SPIN1: variants seen among roughly 807,000 people sequenced by gnomAD.
The protein encoded by SPIN1 is spindlin-1.
Under a neutral mutation model 26.0 loss-of-function variants are expected in SPIN1, and 3 were observed. The ratio of observed to expected loss-of-function variants is 0.12; its 90% CI spans 0.05 to 0.30. The LOEUF (loss-of-function observed/expected upper bound fraction) is 0.30. Among genes scored for constraint, SPIN1 ranks in the 10% least tolerant of loss-of-function variants. The pLI, the probability that SPIN1 is intolerant of heterozygous loss-of-function variation, is 1.00. For missense variants in SPIN1, 126 were observed against 333.4 expected, an observed-to-expected ratio of 0.38 and a Z score of 4.84; for synonymous variants, 101 against 116.5, an observed-to-expected ratio of 0.87 and a Z score of 0.86.
chr9:88,414,077 T>C (rs916691069), intron 1 of SPIN1, among the ~76,000 whole-genome samples: 3 of 151,606 alleles, frequency 2.0e-5, no homozygotes, highest in African/African-American at 4.9e-5. Context: ...AAGTGACATA[T>C]AGGGCAGTGT....
chr9:88,423,066 G>T (rs1378679733), intron 1 of SPIN1, among the ~76,000 whole-genome samples: 16 of 152,138 alleles, frequency 1.1e-4, no homozygotes, highest in Admixed American at 1.0e-3. Flanking sequence ...TAGCCACCAT[G>T]TATCCTTCCC....
At chr9:88,409,839 A>T (rs1268233003) in intron 1 of SPIN1, among the ~76,000 whole-genome samples, 1 of 147,522 alleles carries the variant, frequency 6.8e-6, no homozygotes, top group East Asian at 2.0e-4. Context: ...CTCCGTCTCA[A>T]AAAAAAAAAA....
In SPIN1 at chr9:88,448,936, T is replaced by C. The variant is rs539187451; in HGVS notation, c.53-5T>C. On this transcript the variant is annotated splice_region_variant and splice_polypyrimidine_tract_variant and intron_variant, in intron 2 of 5. Coordinates refer to ENST00000375859, the MANE Select transcript of SPIN1 (RefSeq NM_006717.3). ...TCATTGACTATATACTCATCTCTCT[T>C]ACAGGCCATGCTGGAGTATCTGCCA... 1.2e-6 allele frequency: 2 copies of C among 1,613,270 alleles called. No homozygotes were observed. Among genetic ancestry groups the C allele is most frequent in the East Asian group, 2.2e-5 (1 of 44,852 alleles).
chr9:88,441,097 T>A (rs537056252), intron 2 of SPIN1, among the ~76,000 whole-genome samples: 1 of 151,998 alleles, frequency 6.6e-6, no homozygotes, highest in South Asian at 2.1e-4. Flanking sequence ...CAGAAAAACA[T>A]CATTGTGCCT....
intron 2 of SPIN1, among the ~76,000 whole-genome samples, chr9:88,438,509 G>A (rs763498100): frequency 1.2e-4 from 18 of 152,134 alleles, no homozygotes; most frequent in Admixed American, 2.0e-4. Context: ...CTTGAGAAAA[G>A]TTTGTATTCT....
intron 2 of SPIN1, among the ~76,000 whole-genome samples, chr9:88,442,130 T>G (rs1780320200): frequency 6.6e-6 from 1 of 151,570 alleles, no homozygotes; most frequent in Non-Finnish European, 1.5e-5. Flanking sequence ...TTTTCCTTCT[T>G]TCTAAAGATT....
Position 88,407,299 on chromosome 9 carries a change from C to T in SPIN1, c.-159+18761C>T, listed in dbSNP as rs147407394. On this transcript the variant is annotated intron_variant, in intron 1 of 5. Transcript: ENST00000375859. ...CTACATACAGGTGTGCGCCACCATG[C>T]TTGGCTAATTTTTTTTGTTATTTTC... 3.3e-4 allele frequency among the ~76,000 whole-genome samples: 50 copies of T among 152,074 alleles called. No individual in the cohort carries two copies. In the East Asian group the frequency reaches 8.0e-3, roughly 24 times the overall value.
chr9:88,403,927 T>C lies in SPIN1; in HGVS notation c.-159+15389T>C, dbSNP rs1357339368. On this transcript the variant is annotated intron_variant, in intron 1 of 5. Coordinates refer to ENST00000375859, the MANE Select transcript of SPIN1 (RefSeq NM_006717.3). ...AATGATGAGAATATGTTCTGAGAAC[T>C]GCGTTGTTAGGTGAGCATTATAGAG... 4.6e-5 allele frequency among the ~76,000 whole-genome samples: 7 copies of C among 152,196 alleles called. No individual in the cohort carries two copies. The South Asian group carries it at 1.2e-3, about 27-fold the overall frequency.
rs886782771 is a variant in SPIN1, at chr9:88,437,054, C to T, written c.52+10463C>T. On this transcript the variant is annotated intron_variant, in intron 2 of 5. Coordinates refer to ENST00000375859, the MANE Select transcript of SPIN1 (RefSeq NM_006717.3). ...TGCTGGGATTACAGGCGTGAGCCACCGCGCCCGGCCTCCTCTGTGTCTTTT... is the reference window on the plus strand; with the variant it reads ...TGCTGGGATTACAGGCGTGAGCCACTGCGCCCGGCCTCCTCTGTGTCTTTT... Among the ~76,000 whole-genome samples the T allele has an allele frequency of 7.9e-5, 12 of 151,892 alleles. No homozygotes were observed. In the East Asian group the frequency reaches 1.6e-3, roughly 20 times the overall value.
In SPIN1 at chr9:88,468,320, G is replaced by A. The variant is rs935809974; in HGVS notation, c.356-52G>A. 4.5e-6 allele frequency: 6 copies of A among 1,328,494 alleles called. No individual in the cohort carries two copies. The African/African-American group carries it at 6.0e-5, about 13-fold the overall frequency. 82.3% of individuals were successfully genotyped at this position (1,328,494 alleles called of 1,614,324 possible). A position where few individuals can be genotyped will look rare whatever the true frequency, so the allele number is the denominator to read the frequency against. ...TTTAGTAAATTCAGTCTTCATAGTCGGTAATCAGCGAAACACTTTGTCAAC... is the reference window on the plus strand; with the variant it reads ...TTTAGTAAATTCAGTCTTCATAGTCAGTAATCAGCGAAACACTTTGTCAAC... On this transcript the variant is annotated intron_variant, in intron 4 of 5. Transcript: ENST00000375859.
At position 88,475,363 on chromosome 9, in the gene SPIN1, G is replaced by T; in HGVS notation, c.*86G>T. ...AGACTTGATTGCTTTCCAGTTTAAT[G>T]AAAGCTTAAATGTCCCTGCGAACCC... On this transcript the variant is annotated 3_prime_UTR_variant, in exon 6 of 6. Transcript: ENST00000375859. The T allele has an allele frequency of 7.1e-7, 1 of 1,414,748 alleles. No individual in the cohort carries two copies. 87.6% of individuals were successfully genotyped at this position (1,414,748 alleles called of 1,614,324 possible).
chr9:88,446,645 T>A (rs1158154463), intron 2 of SPIN1, among the ~76,000 whole-genome samples: 1 of 152,114 alleles, frequency 6.6e-6, no homozygotes, highest in Non-Finnish European at 1.5e-5. Flanking sequence ...TGACCTCATG[T>A]GATCCACCCT....
intron 1 of SPIN1, among the ~76,000 whole-genome samples, chr9:88,393,169 A>G (rs2097442285): frequency 6.7e-6 from 1 of 148,988 alleles, no homozygotes; most frequent in African/African-American, 2.5e-5. Context: ...GGGGAGGAGG[A>G]AGAATTTACT....
At chr9:88,412,376 G>A (rs558597413) in intron 1 of SPIN1, among the ~76,000 whole-genome samples, 2 of 152,086 alleles carry the variant, frequency 1.3e-5, no homozygotes, top group Admixed American at 1.3e-4. Flanking sequence ...CTTTAATTTT[G>A]TAGCTGTTGG....
At chr9:88,388,868 C>T (rs945986930) in intron 1 of SPIN1, among the ~76,000 whole-genome samples, 6 of 150,964 alleles carry the variant, frequency 4.0e-5, no homozygotes, top group African/African-American at 1.5e-4. Context: ...CCTTAGCGCG[C>T]GCTTTGTTTG....
At chr9:88,435,046 C>T (rs997081555) in intron 2 of SPIN1, among the ~76,000 whole-genome samples, 1 of 142,780 alleles carries the variant, frequency 7.0e-6, no homozygotes, top group Non-Finnish European at 1.5e-5. Context: ...TGTGAGACTC[C>T]AGCTCAAAAA....
At chr9:88,424,806 A>G (rs1025992362) in intron 1 of SPIN1, among the ~76,000 whole-genome samples, 1 of 152,158 alleles carries the variant, frequency 6.6e-6, no homozygotes, top group African/African-American at 2.4e-5. Context: ...GGTGTGTAAG[A>G]GCCAGGCGGG....
At chr9:88,413,845 A>G (rs150454154) in intron 1 of SPIN1, among the ~76,000 whole-genome samples, 5 of 152,142 alleles carry the variant, frequency 3.3e-5, no homozygotes, top group African/African-American at 4.8e-5. Flanking sequence ...ACTTAGATCA[A>G]AGTTAATAGG....
intron 1 of SPIN1, among the ~76,000 whole-genome samples, chr9:88,417,446 A>T (rs1452947856): frequency 6.6e-6 from 1 of 152,088 alleles, no homozygotes; most frequent in African/African-American, 2.4e-5. Flanking sequence ...GCCAGTTGCA[A>T]GTCCAGGTTA....
Sources: gnomAD v4.1 joint callset for allele counts (sites outside exome capture counted in the v4.1 genomes callset) on GRCh38, gnomAD v4.1.1 for gene constraint, MANE v1.5 for transcripts, NCBI Gene and HGNC (gene_info 2026-07-23, HGNC 2026-07-21) for gene names.